Variants in PAX8 observed in about 807,000 individuals in gnomAD.
PAX8 encodes paired box protein Pax-8.
PAX8 carries 15 observed loss-of-function variants against 52.4 expected under a neutral mutation model. That is an observed-to-expected ratio of 0.29 (90% CI 0.19 to 0.44). The LOEUF is 0.44. PAX8 is among the 20% of genes least tolerant of loss of function. The probability of loss-of-function intolerance (pLI) is 1.00; values close to 1 mark genes in which losing one functional copy is unlikely to be tolerated. For missense variants in PAX8, 554 were observed against 602.5 expected (o/e 0.92, Z 0.84); for synonymous variants, 284 against 249.7 (o/e 1.14, Z -1.29).
chr2:113,257,505 C>G (rs948791267), intron 2 of PAX8, among the ~76,000 whole-genome samples: 2 of 152,198 alleles, frequency 1.3e-5, no homozygotes, highest in Non-Finnish European at 2.9e-5. Flanking sequence ...TTAGATGCTT[C>G]TGCCTTAGAT....
In PAX8 at chr2:113,217,910, T is replaced by C; in HGVS notation, c.*623A>G. On this transcript the variant is annotated 3_prime_UTR_variant, in exon 12 of 12. Coordinates refer to ENST00000429538, the MANE Select transcript of PAX8 (RefSeq NM_003466.4). ...GGTCAGCTGACAGCCTGGTGGAATTTCTGAGGGACTCGCTCCAGCCCTCAG... is the reference window on the plus strand; with the variant it reads ...GGTCAGCTGACAGCCTGGTGGAATTCCTGAGGGACTCGCTCCAGCCCTCAG... 4.3e-6 allele frequency: 1 copy of C among 233,290 alleles called. No individual in the cohort carries two copies. The highest frequency in any genetic ancestry group is 2.2e-5 in the African/African-American group (1 of 45,440). The allele number at this position is 233,290 out of a possible 1,614,324, so 14.5% of individuals were successfully genotyped here. A position where few individuals can be genotyped will look rare whatever the true frequency, so the allele number is the denominator to read the frequency against.
chr2:113,241,277 G>T (rs1334385823), intron 7 of PAX8: 5 of 567,528 alleles, frequency 8.8e-6, no homozygotes, highest in Non-Finnish European at 1.6e-5. Flanking sequence ...GACGCTGATG[G>T]CAAGGGATAG....
intron 2 of PAX8, 28 bp downstream of exon 2, chr2:113,278,342 G>A (rs764563559): frequency 1.3e-6 from 2 of 1,532,514 alleles, no homozygotes; most frequent in Admixed American, 1.7e-5. Flanking sequence ...GCGGGGGCTC[G>A]GGGATCCTGA....
In PAX8 at chr2:113,216,865, A is replaced by AT. The variant is rs1467988765; in HGVS notation, c.*1667dup. 1 of 226,990 alleles carries AT rather than the reference A, an allele frequency of 4.4e-6. No homozygotes were observed. Among genetic ancestry groups the AT allele is most frequent in the Non-Finnish European group, 8.8e-6 (1 of 114,092 alleles). The allele number at this position is 226,990 out of a possible 1,614,324, so 14.1% of individuals were successfully genotyped here. On this transcript the variant is annotated 3_prime_UTR_variant, in exon 12 of 12. Transcript: ENST00000429538. ...CTTTTCATCTTGGACAAGACATCTC[A>AT]TTTTTTTCAAAGCCTCAGTTTCCTC...
chr2:113,267,923 A>G (rs1338199760), intron 2 of PAX8: 2 of 152,230 alleles, frequency 1.3e-5, no homozygotes, highest in African/African-American at 4.8e-5. Context: ...TGTGTGTCAT[A>G]TGGATACAGG....
rs571260912 is a variant in PAX8 at position 113,260,061 on chromosome 2, G to A, written c.26-13142C>T. 2.0e-5 allele frequency among the ~76,000 whole-genome samples: 3 copies of A among 152,272 alleles called. No individual in the cohort carries two copies. The East Asian group carries it at 5.8e-4, about 29-fold the overall frequency. ...TTTTTTTTAATGGGTTTATATTAAA[G>A]CAATTTTCAGTACATTAGATTTCAA... On this transcript the variant is annotated intron_variant, in intron 2 of 11. Transcript: ENST00000429538.
chr2:113,256,212 GCA>G (rs1446592824), intron 2 of PAX8, among the ~76,000 whole-genome samples: 2 of 152,210 alleles, frequency 1.3e-5, no homozygotes, highest in African/African-American at 4.8e-5. Flanking sequence ...GGCTGTAAGA[GCA>G]CAAAGGAAAC....
chr2:113,230,636 G>A (rs1472556764), intron 9 of PAX8: 1 of 152,158 alleles, frequency 6.6e-6, no homozygotes, highest in East Asian at 1.9e-4. Context: ...TCTTCAGCAT[G>A]GCTCTCACCC....
intron 10 of PAX8, among the ~76,000 whole-genome samples, chr2:113,222,988 AT>A (rs1689352297): frequency 6.6e-6 from 1 of 151,896 alleles, no homozygotes; most frequent in Non-Finnish European, 1.5e-5. Flanking sequence ...AGAGCTCTAA[AT>A]TGTTGAAGAA....
intron 4 of PAX8, among the ~76,000 whole-genome samples, chr2:113,243,686 C>T (rs1691068505): frequency 6.6e-6 from 1 of 152,236 alleles, no homozygotes; most frequent in Non-Finnish European, 1.5e-5. Context: ...GCCACTGCAC[C>T]TGGCCTATCT....
chr2:113,220,198 G>A lies in PAX8; in HGVS notation c.1190-20C>T, dbSNP rs753643710. On this transcript the variant is annotated intron_variant, in intron 10 of 11. Coordinates refer to ENST00000429538, the MANE Select transcript of PAX8 (RefSeq NM_003466.4). The stretch of plus-strand genomic sequence containing the variant: ...CACTTCCTGTTGGAGGCACACAGGG[G>A]AGAGGCCTGTGAGGTGAAGGGCATC... The A allele has an allele frequency of 4.7e-5, 75 of 1,580,770 alleles. No homozygotes were observed. Among genetic ancestry groups the A allele is most frequent in the Non-Finnish European group, 6.4e-5 (74 of 1,150,136 alleles).
In PAX8 at chr2:113,218,576, G is replaced by A. The variant is rs575054787; in HGVS notation, c.1310C>T (p.Pro437Leu). Residue 437 changes from proline (P) to leucine (L), a missense_variant, in exon 12 of 12, where the codon CCG becomes CTG. This residue lies in a region of PAX8 where 445 missense variants were observed against 409.9 expected (regional missense o/e 1.09). Transcript: ENST00000429538. ...SPYYYSSTSR[P>L]SAPPTTATAF... ...CGTGGCAGTGGTGGGCGGTGCACTC[G>A]GCCTTGATGTGGAACTGTAATAATA... The A allele has an allele frequency of 1.7e-5, 27 of 1,559,696 alleles. No individual in the cohort carries two copies. The highest frequency in any genetic ancestry group is 5.7e-5 in the Admixed American group (3 of 52,272).
intron 10 of PAX8, among the ~76,000 whole-genome samples, chr2:113,221,949 AAAG>A (rs1174832351): frequency 2.6e-5 from 4 of 152,092 alleles, no homozygotes; most frequent in African/African-American, 9.7e-5. Flanking sequence ...GGAAGGGGGT[AAAG>A]AAGTAAAAAA....
At chr2:113,245,357 A>C (rs147881157) in intron 3 of PAX8, among the ~76,000 whole-genome samples, 1 of 151,872 alleles carries the variant, frequency 6.6e-6, no homozygotes, top group Non-Finnish European at 1.5e-5. Context: ...ATGACTGACT[A>C]TTTTCTTTGG....
chr2:113,272,944 C>G (rs1055652022), intron 2 of PAX8: 2 of 152,210 alleles, frequency 1.3e-5, no homozygotes, highest in African/African-American at 4.8e-5. Flanking sequence ...AAAAGCAAAA[C>G]TAATCTGCAG....
At position 113,218,570 on chromosome 2, in the gene PAX8, G is replaced by C; in HGVS notation, c.1316C>G (p.Ala439Gly). The C allele has an allele frequency of 6.4e-7, 1 of 1,559,978 alleles. No homozygotes were observed. Among genetic ancestry groups the C allele is most frequent in the East Asian group, 2.4e-5 (1 of 41,616 alleles). Reference protein sequence around the residue: ...YYYSSTSRPSAPPTTATAFDH... With the variant: ...YYYSSTSRPSGPPTTATAFDH... ...AAAGGCCGTGGCAGTGGTGGGCGGTGCACTCGGCCTTGATGTGGAACTGTA... is the reference window on the plus strand; with the variant it reads ...AAAGGCCGTGGCAGTGGTGGGCGGTCCACTCGGCCTTGATGTGGAACTGTA... Residue 439 changes from alanine (A) to glycine (G), a missense_variant, in exon 12 of 12, where the codon GCA becomes GGA. This residue lies in a region of PAX8 where 445 missense variants were observed against 409.9 expected (regional missense o/e 1.09). Coordinates refer to ENST00000429538, the MANE Select transcript of PAX8 (RefSeq NM_003466.4).
At chr2:113,262,559 G>A (rs1284966563) in intron 2 of PAX8, among the ~76,000 whole-genome samples, 1 of 152,200 alleles carries the variant, frequency 6.6e-6, no homozygotes, top group Non-Finnish European at 1.5e-5. Flanking sequence ...ATACTTAGGT[G>A]TTATGAATTG....
chr2:113,275,685 T>A (rs955525921), intron 2 of PAX8: 1 of 152,192 alleles, frequency 6.6e-6, no homozygotes, highest in African/African-American at 2.4e-5. Context: ...GTTTTCACTT[T>A]TATATATATG....
chr2:113,273,106 T>G (rs1278933294), intron 2 of PAX8: 6 of 152,252 alleles, frequency 3.9e-5, no homozygotes, highest in Non-Finnish European at 8.8e-5. Flanking sequence ...CAGCACTTCT[T>G]GGACTGATAA....
Sources: allele counts gnomAD v4.1 joint callset (sites outside exome capture counted in the v4.1 genomes callset), GRCh38; gene constraint gnomAD v4.1.1; regional missense constraint gnomAD v4.1.1; transcripts MANE v1.5; gene names NCBI Gene and HGNC (gene_info 2026-07-23, HGNC 2026-07-21).